Variants in ARHGAP39 observed in about 807,000 individuals in gnomAD.
ARHGAP39 encodes Rho GTPase activating protein 39.
A neutral mutation model predicts 106.9 loss-of-function variants in ARHGAP39; 44 were observed. That is an observed-to-expected ratio of 0.41 (90% CI 0.32 to 0.53). The LOEUF (loss-of-function observed/expected upper bound fraction) is 0.53, where lower values mean the gene tolerates loss of function less well. Ranked by LOEUF, ARHGAP39 falls within the 20% of genes least tolerant of loss-of-function variation. The probability of loss-of-function intolerance (pLI) is 0.21; values close to 1 mark genes in which losing one functional copy is unlikely to be tolerated. For missense variants in ARHGAP39, 1,496 were observed against 1,577.3 expected (o/e 0.95, Z 0.87); for synonymous variants, 768 against 693.2 (o/e 1.11, Z -1.69).
intron 6 of ARHGAP39, among the ~76,000 whole-genome samples, chr8:144,541,841 C>T (rs1485450087): frequency 1.3e-5 from 2 of 152,196 alleles, no homozygotes; most frequent in African/African-American, 4.8e-5. Context: ...CATTACAGTC[C>T]TGGCTCCCAG....
At chr8:144,617,545 G>A (rs1326472437) in intron 1 of ARHGAP39, among the ~76,000 whole-genome samples, 8 of 149,540 alleles carry the variant, frequency 5.3e-5, no homozygotes, top group South Asian at 4.2e-4. Context: ...TTCAGGCTGA[G>A]AGCCCAGCCT....
intron 1 of ARHGAP39, among the ~76,000 whole-genome samples, chr8:144,631,371 G>A (rs539830779): frequency 8.8e-4 from 134 of 152,298 alleles, no homozygotes; most frequent in African/African-American, 2.9e-3. Flanking sequence ...CTGCACCCTC[G>A]TCACTCATCT....
At chr8:144,536,721 G>C (rs1188780243) in intron 7 of ARHGAP39, among the ~76,000 whole-genome samples, 3 of 152,340 alleles carry the variant, frequency 2.0e-5, no homozygotes, top group African/African-American at 7.2e-5. Flanking sequence ...GTGCCAGGGT[G>C]AGGACAAGTC....
At chr8:144,613,450 T>G (rs1820546027) in intron 1 of ARHGAP39, among the ~76,000 whole-genome samples, 1 of 152,160 alleles carries the variant, frequency 6.6e-6, no homozygotes, top group Non-Finnish European at 1.5e-5. Flanking sequence ...TATGTCACCT[T>G]CACTTAAAAG....
intron 2 of ARHGAP39, among the ~76,000 whole-genome samples, 187 bp downstream of exon 2, chr8:144,605,348 C>T (rs943557022): frequency 1.3e-5 from 2 of 152,242 alleles, no homozygotes; most frequent in South Asian, 2.1e-4. Context: ...TCTGCAGGAA[C>T]GCAGGCCACG....
rs569117295 is a variant in ARHGAP39 at position 144,653,215 on chromosome 8, C to T, written c.-82+32471G>A. Among the ~76,000 whole-genome samples the T allele has an allele frequency of 1.3e-4, 20 of 152,230 alleles. 1 individual carries two copies. In the South Asian group the frequency reaches 2.7e-3, roughly 20 times the overall value. The stretch of plus-strand genomic sequence containing the variant: ...GGAGACTGAGGCAGGAATCCACAAT[C>T]GCTTGAACCCGGGAAGTGGAGGTTG... On this transcript the variant is annotated intron_variant, in intron 1 of 11. Transcript: ENST00000377307.
At chr8:144,590,405 C>T (rs949499186) in intron 2 of ARHGAP39, among the ~76,000 whole-genome samples, 2 of 152,152 alleles carry the variant, frequency 1.3e-5, no homozygotes, top group Non-Finnish European at 2.9e-5. Context: ...GGCTCAGTGC[C>T]GTCTTCTCGA....
chr8:144,595,590 G>C (rs1819590702), intron 2 of ARHGAP39, among the ~76,000 whole-genome samples: 2 of 152,242 alleles, frequency 1.3e-5, no homozygotes, highest in South Asian at 4.1e-4. Context: ...CAGCTGGGCT[G>C]GGCTCTCGCT....
At position 144,581,144 on chromosome 8, in the gene ARHGAP39, G is replaced by T; in HGVS notation, c.214C>A (p.Leu72Met). 6.3e-7 allele frequency: 1 copy of T among 1,582,328 alleles called. No individual in the cohort carries two copies. The change falls in exon 3 of 12, where the codon CTG becomes ATG. Residue 72 changes from leucine (L) to methionine (M), a missense_variant. By Grantham distance (15) the Leu-to-Met change is conservative. Coordinates refer to ENST00000377307, the MANE Select transcript of ARHGAP39 (RefSeq NM_025251.3). Reference sequence around the variant, plus strand: ...AAGCGGGACGTGTTGGGGTCGAACAGCTCCCACCACTGGTTCTCGCTGGTG... The same window carrying T: ...AAGCGGGACGTGTTGGGGTCGAACATCTCCCACCACTGGTTCTCGCTGGTG... The part of the protein sequence containing the change: ...KRTSENQWWE[L>M]FDPNTSRFYY...
chr8:144,699,058 G>C, the ARHGAP39 span: 1 of 355,210 alleles, frequency 2.8e-6, no homozygotes, highest in Non-Finnish European at 5.6e-6. Flanking sequence ...TCACTGCACA[G>C]GGCGTGGGAC....
rs570807426 is a variant in ARHGAP39 at position 144,631,117 on chromosome 8, T to C, written c.-81-25422A>G. Among the ~76,000 whole-genome samples the C allele has an allele frequency of 2.0e-5, 3 of 152,166 alleles. No homozygotes were observed. In the East Asian group the frequency reaches 5.8e-4, roughly 29 times the overall value. On this transcript the variant is annotated intron_variant, in intron 1 of 11. Coordinates refer to ENST00000377307, the MANE Select transcript of ARHGAP39 (RefSeq NM_025251.3). ...CCACGTTTAAATGACCAGATCCATC[T>C]CGCATGAGCCAGAGCCAGAGCTCAC... is the stretch of plus-strand genomic sequence containing the variant.
At position 144,646,158 on chromosome 8, in the gene ARHGAP39, G is replaced by C. The variant is rs1586635132; in HGVS notation, c.-82+39528C>G. 6.6e-6 allele frequency among the ~76,000 whole-genome samples: 1 copy of C among 152,322 alleles called. No individual in the cohort carries two copies. Among genetic ancestry groups the C allele is most frequent in the Non-Finnish European group, 1.5e-5 (1 of 68,028 alleles). ...CACATCGCAAGCTTGGAGCCTGCTG[G>C]AGGAAGGGCACAGGCCACCGGAGGG... is the stretch of plus-strand genomic sequence containing the variant. On this transcript the variant is annotated intron_variant, in intron 1 of 11. Transcript: ENST00000377307. This position sits in a 1 kb window ranked among gnomAD's most constrained non-coding sequence, Gnocchi z 5.7.
rs374588641 is a variant in ARHGAP39, at chr8:144,606,505, T to C, written c.-81-810A>G. On this transcript the variant is annotated intron_variant, in intron 1 of 11. Transcript: ENST00000377307. ...CTATTCTGACTTTATAGGAAGAGTA[T>C]AGTAGATATTACAATAGCATACAAA... Among the ~76,000 whole-genome samples the C allele has an allele frequency of 3.3e-5, 5 of 152,350 alleles. No individual in the cohort carries two copies. The East Asian group carries it at 9.6e-4, about 29-fold the overall frequency.
intron 3 of ARHGAP39, among the ~76,000 whole-genome samples, chr8:144,567,197 A>G (rs927578508): frequency 6.6e-6 from 1 of 152,220 alleles, no homozygotes; most frequent in African/African-American, 2.4e-5. Flanking sequence ...TCATTGATCA[A>G]TAGTTTGTAG....
intron 1 of ARHGAP39, among the ~76,000 whole-genome samples, chr8:144,612,096 G>A (rs1275489466): frequency 6.6e-6 from 1 of 152,202 alleles, no homozygotes; most frequent in Non-Finnish European, 1.5e-5. Context: ...CTGCACCACT[G>A]CACTCCAGAC....
In ARHGAP39 at chr8:144,647,597, A is replaced by G. The variant is rs527670989; in HGVS notation, c.-82+38089T>C. The stretch of plus-strand genomic sequence containing the variant: ...CTTCCTGAGGAAATGAAAACAAAAC[A>G]GCAATGAAAACGACTTTACACCAGA... On this transcript the variant is annotated intron_variant, in intron 1 of 11. Transcript: ENST00000377307. The surrounding 1 kb of genome is among the most constrained non-coding windows in gnomAD (Gnocchi z 4.8). Among the ~76,000 whole-genome samples the G allele has an allele frequency of 6.6e-5, 10 of 152,362 alleles. No homozygotes were observed.
At chr8:144,628,925 C>T (rs1325008755) in intron 1 of ARHGAP39, among the ~76,000 whole-genome samples, 1 of 152,200 alleles carries the variant, frequency 6.6e-6, no homozygotes, top group East Asian at 1.9e-4. Context: ...CATTGCCGCA[C>T]CCCATCACTT....
At chr8:144,537,918 G>C (rs1221022363) in intron 6 of ARHGAP39, 105 bp from the exon 7 acceptor site, 6 of 978,494 alleles carry the variant, frequency 6.1e-6, no homozygotes, top group Non-Finnish European at 9.5e-6. Context: ...GGCCTGTTGG[G>C]GGCTCACCCT....
At chr8:144,695,167 CG>C in the ARHGAP39 span, among the ~76,000 whole-genome samples, 1 of 140,782 alleles carries the variant, frequency 7.1e-6, no homozygotes, top group Admixed American at 7.3e-5. Context: ...CTCCGCCTCC[CG>C]AGTTCACGCC....
Sources: allele counts gnomAD v4.1 joint callset (sites outside exome capture counted in the v4.1 genomes callset), GRCh38; gene constraint gnomAD v4.1.1; non-coding constraint Gnocchi (gnomAD v3.1); transcripts MANE v1.5; gene names NCBI Gene and HGNC (gene_info 2026-07-23, HGNC 2026-07-21).